DLG2: variants seen among roughly 807,000 people sequenced by gnomAD.
DLG2 encodes discs large MAGUK scaffold protein 2.
Under a neutral mutation model 132.5 loss-of-function variants are expected in DLG2, and 45 were observed. The observed-to-expected ratio is 0.34, with a 90% CI of 0.27 to 0.44. The LOEUF is 0.44. Among genes scored for constraint, DLG2 ranks in the 20% least tolerant of loss-of-function variants. The probability of loss-of-function intolerance (pLI) is 1.00; values close to 1 mark genes in which losing one functional copy is unlikely to be tolerated. For missense variants in DLG2, 1,045 were observed against 1,196.9 expected (o/e 0.87, Z 1.87); for synonymous variants, 424 against 419.6 (o/e 1.01, Z -0.13).
intron 21 of DLG2, among the ~76,000 whole-genome samples, chr11:83,514,272 T>A (rs1459785576): frequency 6.6e-6 from 1 of 152,190 alleles, no homozygotes; most frequent in Non-Finnish European, 1.5e-5. Context: ...TTCCTAGGTA[T>A]TTTATTCTCT....
chr11:84,866,438 A>C (rs1361373208), intron 6 of DLG2, among the ~76,000 whole-genome samples: 1 of 152,214 alleles, frequency 6.6e-6, no homozygotes, highest in Non-Finnish European at 1.5e-5. Flanking sequence ...GCAATGTTAC[A>C]CTGAGGGAAG....
rs1458513623 is a variant in DLG2 at position 84,667,496 on chromosome 11, TTG to T, written c.358-132767_358-132766del. ...TTTTTTTGTTTTTGTTTTTTGTTTT[TTG>T]TTTTTTTTTTTTTTTTGAGTCATAG... On this transcript the variant is annotated intron_variant, in intron 6 of 27. Transcript: ENST00000376104. Among the ~76,000 whole-genome samples, 9 of 34,504 alleles carry T rather than the reference TTG, an allele frequency of 2.6e-4. No homozygotes were observed. In the East Asian group the frequency reaches 5.0e-3, roughly 19 times the overall value. The allele number at this position is 34,504 out of a possible 152,430, so 22.6% of individuals were successfully genotyped here.
chr11:84,572,671 C>A (rs1480146403), intron 6 of DLG2, among the ~76,000 whole-genome samples: 2 of 152,086 alleles, frequency 1.3e-5, no homozygotes, highest in African/African-American at 2.4e-5. Context: ...CAAGGTGACA[C>A]CCTGACCATA....
chr11:83,462,238 G>T, intron 26 of DLG2, 145 bp from the exon 27 acceptor site: 1 of 584,306 alleles, frequency 1.7e-6, no homozygotes, highest in Non-Finnish European at 3.0e-6. Context: ...ACTCCTCTGT[G>T]CTGGAATAAT....
chr11:83,545,357 A>G (rs1444090183), intron 19 of DLG2, among the ~76,000 whole-genome samples: 1 of 152,172 alleles, frequency 6.6e-6, no homozygotes, highest in Admixed American at 6.6e-5. Flanking sequence ...TAAATGTAAG[A>G]TATTATTATA....
chr11:85,056,528 G>A (rs929800030), intron 6 of DLG2, among the ~76,000 whole-genome samples: 3 of 151,908 alleles, frequency 2.0e-5, no homozygotes, highest in African/African-American at 4.8e-5. Context: ...TACAAATAAC[G>A]AAGTGTGTGT....
At chr11:84,453,209 A>C (rs996238344) in intron 7 of DLG2, among the ~76,000 whole-genome samples, 24 of 151,710 alleles carry the variant, frequency 1.6e-4, no homozygotes, top group Admixed American at 9.9e-4. Flanking sequence ...TCAAAATAGA[A>C]ATGGTATGTA....
intron 7 of DLG2, among the ~76,000 whole-genome samples, chr11:84,463,636 C>A (rs747193818): frequency 1.1e-4 from 17 of 151,110 alleles, no homozygotes; most frequent in Non-Finnish European, 2.4e-4. Flanking sequence ...GATTATGATA[C>A]CCAAATTAAC....
At chr11:85,467,995 A>T (rs2092852891) in intron 3 of DLG2, among the ~76,000 whole-genome samples, 1 of 152,090 alleles carries the variant, frequency 6.6e-6, no homozygotes, top group African/African-American at 2.4e-5. Flanking sequence ...ACAGCCTGTT[A>T]TTGGTCTATT....
intron 7 of DLG2, among the ~76,000 whole-genome samples, chr11:84,355,941 T>A (rs574712922): frequency 2.0e-5 from 3 of 152,204 alleles, no homozygotes; most frequent in South Asian, 4.1e-4. Context: ...CAGAATCCTG[T>A]TGAATTATCA....
At chr11:84,990,992 G>A (rs1319448741) in intron 6 of DLG2, among the ~76,000 whole-genome samples, 1 of 152,102 alleles carries the variant, frequency 6.6e-6, no homozygotes, top group African/African-American at 2.4e-5. Flanking sequence ...ATGGGTGAAT[G>A]TTAAACTACA....
chr11:84,676,309 A>T (rs1025689820), intron 6 of DLG2, among the ~76,000 whole-genome samples: 1 of 152,074 alleles, frequency 6.6e-6, no homozygotes, highest in African/African-American at 2.4e-5. Flanking sequence ...TAACATTATA[A>T]TTAGTCAGTT....
chr11:83,723,402 T>C (rs1361692936), intron 18 of DLG2, among the ~76,000 whole-genome samples: 1 of 151,094 alleles, frequency 6.6e-6, no homozygotes, highest in African/African-American at 2.4e-5. Context: ...AATAAATAAT[T>C]AAATTGAAAA....
intron 6 of DLG2, among the ~76,000 whole-genome samples, chr11:84,770,873 TCCTGAC>T (rs2069243566): frequency 6.6e-6 from 1 of 151,666 alleles, no homozygotes. Flanking sequence ...GGTCTCAATC[TCCTGAC>T]CCTCGTGATC....
chr11:84,211,689 G>C (rs549057530), intron 8 of DLG2, among the ~76,000 whole-genome samples: 4 of 152,226 alleles, frequency 2.6e-5, no homozygotes, highest in Admixed American at 2.6e-4. Context: ...AGATAAAATA[G>C]ACTTTCCTTA....
intron 6 of DLG2, among the ~76,000 whole-genome samples, chr11:85,015,286 CT>C (rs1366569891): frequency 2.0e-5 from 3 of 152,062 alleles, no homozygotes; most frequent in Non-Finnish European, 4.4e-5. Flanking sequence ...TCTAAACACA[CT>C]GTCTATTTGC....
intron 6 of DLG2, among the ~76,000 whole-genome samples, chr11:84,834,065 T>C (rs1257585687): frequency 2.0e-5 from 3 of 151,716 alleles, no homozygotes; most frequent in African/African-American, 7.3e-5. Flanking sequence ...GGATAGAAAC[T>C]GTGTTAGATA....
At chr11:84,695,086 T>C (rs2058479811) in intron 6 of DLG2, among the ~76,000 whole-genome samples, 2 of 151,520 alleles carry the variant, frequency 1.3e-5, no homozygotes, top group Admixed American at 1.3e-4. Context: ...TTCGGTAAAA[T>C]GGTCCCCCCT....
chr11:83,673,515 C>G (rs775450271), intron 18 of DLG2, among the ~76,000 whole-genome samples: 4 of 152,120 alleles, frequency 2.6e-5, no homozygotes, highest in Non-Finnish European at 5.9e-5. Context: ...AATGCATTAT[C>G]CTGTAATATT....
Sources: allele counts gnomAD v4.1 joint callset (sites outside exome capture counted in the v4.1 genomes callset), GRCh38; gene constraint gnomAD v4.1.1; transcripts MANE v1.5; gene names NCBI Gene and HGNC (gene_info 2026-07-23, HGNC 2026-07-21).